FBXW10B: variants seen among roughly 807,000 people sequenced by gnomAD.
FBXW10B encodes F-box and WD repeat domain containing 10B.
At chr17:15,575,220 T>C in the FBXW10B span, among the ~76,000 whole-genome samples, 688 of 148,020 alleles carry the variant, frequency 4.6e-3, 7 homozygotes, top group African/African-American at 0.017. Flanking sequence ...AGTCTAACAC[T>C]TATTTTGGAA....
chr17:15,565,704 G>A, the FBXW10B span: 1 of 1,614,008 alleles, frequency 6.2e-7, no homozygotes, highest in Admixed American at 1.7e-5. Flanking sequence ...TGGCTTCCTG[G>A]TGCTCCTTCT....
the FBXW10B span, chr17:15,571,902 T>C: frequency 2.7e-5 from 4 of 149,880 alleles, no homozygotes; most frequent in African/African-American, 9.8e-5. Context: ...ATTCCATTTA[T>C]ATGACATTTT....
chr17:15,584,219 ATTGG>A, the FBXW10B span, among the ~76,000 whole-genome samples: 1 of 152,228 alleles, frequency 6.6e-6, no homozygotes, highest in Non-Finnish European at 1.5e-5. Flanking sequence ...AAAAAAGTAT[ATTGG>A]TTGAATTAAT....
chr17:15,611,579 G>A, the FBXW10B span, among the ~76,000 whole-genome samples: 10 of 152,134 alleles, frequency 6.6e-5, no homozygotes, highest in South Asian at 2.1e-4. Context: ...CACACCACCC[G>A]TCTCCTCCTT....
the FBXW10B span, among the ~76,000 whole-genome samples, chr17:15,613,387 G>A: frequency 7.7e-6 from 1 of 129,594 alleles, no homozygotes; most frequent in Non-Finnish European, 1.5e-5. Context: ...CTCTGCTCCT[G>A]AGCGGTCTCT....
At chr17:15,593,865 G>A in the FBXW10B span, among the ~76,000 whole-genome samples, 1 of 152,058 alleles carries the variant, frequency 6.6e-6, no homozygotes, top group Non-Finnish European at 1.5e-5. Context: ...CTGACCTCAG[G>A]TGATCCACCT....
chr17:15,578,614 T>C, the FBXW10B span, among the ~76,000 whole-genome samples: 2 of 152,016 alleles, frequency 1.3e-5, no homozygotes, highest in Non-Finnish European at 2.9e-5. Context: ...TGTTATGGGA[T>C]CCAGGAGTAA....
At chr17:15,584,578 T>C in the FBXW10B span, among the ~76,000 whole-genome samples, 2 of 152,242 alleles carry the variant, frequency 1.3e-5, no homozygotes, top group Non-Finnish European at 2.9e-5. Context: ...AGTTTGCAAT[T>C]GGAGTACCTT....
chr17:15,579,893 G>T, the FBXW10B span, among the ~76,000 whole-genome samples: 1 of 151,746 alleles, frequency 6.6e-6, no homozygotes, highest in African/African-American at 2.4e-5. Flanking sequence ...CTGATGTTTA[G>T]TAAACAAAAC....
chr17:15,617,681 CCTTCTCTTGCTA>C, the FBXW10B span, among the ~76,000 whole-genome samples: 4 of 152,128 alleles, frequency 2.6e-5, no homozygotes, highest in African/African-American at 9.7e-5. Context: ...ACACCCCTCC[CCTTCTCTTGCTA>C]CTTCTCTTGC....
chr17:15,612,434 A>C, the FBXW10B span, among the ~76,000 whole-genome samples: 1 of 152,036 alleles, frequency 6.6e-6, no homozygotes, highest in Non-Finnish European at 1.5e-5. Context: ...GAATGGCGTG[A>C]ACCCGGGAGG....
the FBXW10B span, among the ~76,000 whole-genome samples, chr17:15,588,185 A>G: frequency 1.6e-4 from 24 of 152,364 alleles, no homozygotes; most frequent in Admixed American, 7.2e-4. Context: ...TCCCGTGTCC[A>G]TAAGTCACGT....
chr17:15,587,563 A>T, the FBXW10B span, among the ~76,000 whole-genome samples: 2 of 151,424 alleles, frequency 1.3e-5, no homozygotes, highest in Non-Finnish European at 2.9e-5. Context: ...CCCTGACTTC[A>T]TTCCGTACTG....
chr17:15,567,890 T>C, the FBXW10B span, among the ~76,000 whole-genome samples: 1 of 152,022 alleles, frequency 6.6e-6, no homozygotes, highest in Non-Finnish European at 1.5e-5. Context: ...GCTAATAACA[T>C]AAAAAAGAAA....
the FBXW10B span, among the ~76,000 whole-genome samples, chr17:15,616,830 A>C: frequency 1.3e-5 from 2 of 150,066 alleles, no homozygotes; most frequent in Non-Finnish European, 3.0e-5. Flanking sequence ...AAAAAAAAAA[A>C]AAAAGAAGAA....
At chr17:15,567,166 G>A in the FBXW10B span, among the ~76,000 whole-genome samples, 1 of 151,562 alleles carries the variant, frequency 6.6e-6, no homozygotes, top group Non-Finnish European at 1.5e-5. Flanking sequence ...TAGCTACTCA[G>A]GAGGCTGAGG....
At chr17:15,616,416 C>T in the FBXW10B span, among the ~76,000 whole-genome samples, 3 of 151,830 alleles carry the variant, frequency 2.0e-5, no homozygotes, top group African/African-American at 7.3e-5. Context: ...GTGATCCACC[C>T]GCCTCGGCCT....
chr17:15,567,962 C>G, the FBXW10B span, among the ~76,000 whole-genome samples: 557 of 152,160 alleles, frequency 3.7e-3, 7 homozygotes, highest in Admixed American at 0.016. Context: ...TAAGCAAACT[C>G]AGAGTGAAAA....
At chr17:15,591,187 G>T in the FBXW10B span, among the ~76,000 whole-genome samples, 1 of 152,234 alleles carries the variant, frequency 6.6e-6, no homozygotes, top group Non-Finnish European at 1.5e-5. Flanking sequence ...TAGAGAAAAA[G>T]AGCTTTTCAA....
Sources: allele counts gnomAD v4.1 joint callset (sites outside exome capture counted in the v4.1 genomes callset), GRCh38; gene constraint gnomAD v4.1.1; transcripts MANE v1.5; gene names NCBI Gene and HGNC (gene_info 2026-07-23, HGNC 2026-07-21).